The following SVEP1 variants were observed in gnomAD, a reference collection of about 807,000 sequenced individuals.
The protein encoded by SVEP1 is sushi, von Willebrand factor type A, EGF and pentraxin domain containing 1.
A neutral mutation model predicts 367.3 loss-of-function variants in SVEP1; 164 were observed. The ratio of observed to expected loss-of-function variants is 0.45; its 90% CI spans 0.39 to 0.51. SVEP1 has a LOEUF of 0.51. Ranked by LOEUF, SVEP1 falls within the 20% of genes least tolerant of loss-of-function variation. The probability of loss-of-function intolerance (pLI) is 0.00; values close to 1 mark genes in which losing one functional copy is unlikely to be tolerated. For synonymous variants in SVEP1, 1,666 were observed against 1,611.6 expected, an observed-to-expected ratio of 1.03 and a Z score of -0.81; for missense variants, 4,117 against 4,425.3, an observed-to-expected ratio of 0.93 and a Z score of 1.98.
chr9:110,408,604 C>A lies in SVEP1; in HGVS notation c.6996G>T (p.Gln2332His). The A allele has an allele frequency of 6.2e-7, 1 of 1,613,964 alleles. No individual in the cohort carries two copies. The highest frequency in any genetic ancestry group is 8.5e-7 in the Non-Finnish European group (1 of 1,179,890). Residue 2332 changes from glutamine (Q) to histidine (H), a missense_variant, in exon 38 of 48, where the codon CAG becomes CAT. This residue lies in a region of SVEP1 where 1,765 missense variants were observed against 1,781.1 expected (regional missense o/e 0.99). Coordinates refer to ENST00000374469, the MANE Select transcript of SVEP1 (RefSeq NM_153366.4). ...KCPEPPLLEN[Q>H]LVLKELTTEV... ...CGGTGGTCAACTCCTTTAATACTAG[C>A]TGGTTTTCCAAGAGGGGCGGCTCTG...
In SVEP1 at chr9:110,406,559, T is replaced by A; in HGVS notation, c.9041A>T (p.Tyr3014Phe). The change falls in exon 38 of 48, where the codon TAT (tyrosine) becomes TTT (phenylalanine). Residue 3014 changes from tyrosine to phenylalanine, a missense_variant. By Grantham distance (22) the Tyr-to-Phe change is conservative. Coordinates refer to ENST00000374469, the MANE Select transcript of SVEP1 (RefSeq NM_153366.4). ...PCRCSTPVIE[Y>F]GTVNGTDFDC... ...AAAATCTGTCCCATTGACAGTTCCA[T>A]ATTCAATTACTGGTGTGGAACATCT... 3 of 1,613,640 alleles carry A rather than the reference T, an allele frequency of 1.9e-6. No homozygotes were observed. Among genetic ancestry groups the A allele is most frequent in the Non-Finnish European group, 2.5e-6 (3 of 1,179,782 alleles).
intron 3 of SVEP1, among the ~76,000 whole-genome samples, chr9:110,514,366 A>G (rs1416966663): frequency 1.3e-5 from 2 of 151,824 alleles, no homozygotes; most frequent in Non-Finnish European, 2.9e-5. Flanking sequence ...ACAAAAAATT[A>G]GCTGGGTGTG....
intron 3 of SVEP1, among the ~76,000 whole-genome samples, chr9:110,527,836 T>C (rs1385145730): frequency 1.3e-5 from 2 of 151,792 alleles, no homozygotes; most frequent in East Asian, 1.9e-4. Context: ...AGGTAGGTTT[T>C]TTTATCCCTC....
chr9:110,471,123 G>T (rs1046549381), intron 16 of SVEP1, among the ~76,000 whole-genome samples: 3 of 152,150 alleles, frequency 2.0e-5, no homozygotes, highest in African/African-American at 7.2e-5. Flanking sequence ...GTTACTGAAA[G>T]CTGTGAGGTC....
intron 42 of SVEP1, among the ~76,000 whole-genome samples, 169 bp downstream of exon 42, chr9:110,387,116 A>T (rs1827537020): frequency 6.6e-6 from 1 of 152,214 alleles, no homozygotes; most frequent in Non-Finnish European, 1.5e-5. Flanking sequence ...GACTTAGATA[A>T]CACAAACATA....
chr9:110,478,601 T>A (rs915373354), intron 13 of SVEP1, among the ~76,000 whole-genome samples: 2 of 152,168 alleles, frequency 1.3e-5, no homozygotes, highest in African/African-American at 2.4e-5. Flanking sequence ...CGAGTATAGG[T>A]CTATAGTAAC....
At chr9:110,496,042 C>T (rs1445824798) in intron 8 of SVEP1, among the ~76,000 whole-genome samples, 3 of 152,122 alleles carry the variant, frequency 2.0e-5, no homozygotes, top group Admixed American at 2.0e-4. Flanking sequence ...TACAATAATA[C>T]AACAAATCCA....
intron 37 of SVEP1, among the ~76,000 whole-genome samples, chr9:110,409,697 T>C (rs1014074180): frequency 6.6e-5 from 10 of 152,234 alleles, no homozygotes; most frequent in Non-Finnish European, 1.5e-4. Context: ...TTTATGGGTA[T>C]GTCTTAAGAA....
intron 3 of SVEP1, among the ~76,000 whole-genome samples, chr9:110,536,445 G>T (rs892204916): frequency 6.6e-6 from 1 of 151,970 alleles, no homozygotes. Flanking sequence ...AATGTCACAT[G>T]CATCATTTTA....
chr9:110,563,440 A>G (rs777266815), intron 1 of SVEP1, among the ~76,000 whole-genome samples: 10 of 152,238 alleles, frequency 6.6e-5, no homozygotes, highest in Admixed American at 1.3e-4. Flanking sequence ...TTAGAGAAAC[A>G]TGCAAATAGA....
chr9:110,502,804 G>A (rs1400074013), intron 6 of SVEP1, among the ~76,000 whole-genome samples: 2 of 151,868 alleles, frequency 1.3e-5, no homozygotes, highest in African/African-American at 2.4e-5. Flanking sequence ...GTCATTTGAA[G>A]GTATAAACCT....
chr9:110,368,000 C>A (rs1395382271), intron 47 of SVEP1, among the ~76,000 whole-genome samples: 2 of 152,158 alleles, frequency 1.3e-5, no homozygotes, highest in Admixed American at 6.5e-5. Context: ...ATCGCTTGAA[C>A]CCATGAGGTG....
chr9:110,479,572 G>C (rs976096630), intron 13 of SVEP1, 63 bp downstream of exon 13: 6 of 1,506,066 alleles, frequency 4.0e-6, no homozygotes, highest in Non-Finnish European at 4.4e-6. Flanking sequence ...AGTTGTAAAT[G>C]ACTCAGAAAG....
intron 2 of SVEP1, among the ~76,000 whole-genome samples, chr9:110,548,465 A>C (rs1488579394): frequency 1.3e-5 from 2 of 152,164 alleles, no homozygotes; most frequent in African/African-American, 2.4e-5. Context: ...TCCTTGTAAC[A>C]ATTTTATGAA....
In SVEP1 at chr9:110,489,684, G is replaced by A; in HGVS notation, c.1896C>T (p.Asn632=). The A allele has an allele frequency of 6.2e-7, 1 of 1,613,398 alleles. No homozygotes were observed. The highest frequency in any genetic ancestry group is 1.1e-5 in the South Asian group (1 of 91,002). The part of the protein sequence containing the change: ...IVYTATDLSG[N]QASCIFHIKV... ...TGATATGGAAAATGCAGCTGGCCTG[G>A]TTGCCGGATAGGTCAGTTGCCGTGT... Residue 632 remains asparagine (N), a synonymous_variant, in exon 9 of 48, where the codon AAC becomes AAT. Transcript: ENST00000374469.
chr9:110,398,997 A>G (rs1202918920), intron 40 of SVEP1, among the ~76,000 whole-genome samples: 1 of 152,224 alleles, frequency 6.6e-6, no homozygotes, highest in Non-Finnish European at 1.5e-5. Flanking sequence ...ATTACTGGGT[A>G]TATACCCAAA....
chr9:110,403,117 G>T (rs564458072), intron 39 of SVEP1, among the ~76,000 whole-genome samples: 1 of 151,912 alleles, frequency 6.6e-6, no homozygotes, highest in Non-Finnish European at 1.5e-5. Context: ...TGAAGTGAAA[G>T]TCTGCTATAC....
intron 3 of SVEP1, among the ~76,000 whole-genome samples, chr9:110,540,919 C>A (rs900804857): frequency 6.6e-6 from 1 of 152,156 alleles, no homozygotes; most frequent in Admixed American, 6.6e-5. Context: ...TTTGAGAGGT[C>A]ATTGTTTGAA....
At chr9:110,577,372 A>G (rs573766694) in intron 1 of SVEP1, among the ~76,000 whole-genome samples, 2 of 152,138 alleles carry the variant, frequency 1.3e-5, no homozygotes, top group South Asian at 2.1e-4. Flanking sequence ...ATGACATTCA[A>G]TTAAATTGGA....
Sources: allele counts gnomAD v4.1 joint callset (sites outside exome capture counted in the v4.1 genomes callset), GRCh38; gene constraint gnomAD v4.1.1; regional missense constraint gnomAD v4.1.1; transcripts MANE v1.5; gene names NCBI Gene and HGNC (gene_info 2026-07-23, HGNC 2026-07-21).